The following EXOC4 variants were observed in gnomAD, a reference collection of about 807,000 sequenced individuals.
EXOC4 encodes the protein SEC8-like 1.
A neutral mutation model predicts 107.2 loss-of-function variants in EXOC4; 71 were observed. The ratio of observed to expected loss-of-function variants is 0.66; its 90% CI spans 0.55 to 0.81. The LOEUF (loss-of-function observed/expected upper bound fraction) is 0.81. Among genes scored for constraint, EXOC4 ranks in the 30% least tolerant of loss-of-function variants. EXOC4 has a pLI of 0.00. For missense variants in EXOC4, 1,108 were observed against 1,189.6 expected (o/e 0.93, Z 1.01); for synonymous variants, 456 against 441.2 (o/e 1.03, Z -0.42).
At chr7:133,501,749 C>A (rs747272196) in intron 9 of EXOC4, among the ~76,000 whole-genome samples, 24 of 152,128 alleles carry the variant, frequency 1.6e-4, no homozygotes, top group Non-Finnish European at 3.1e-4. Context: ...GTTCATGATT[C>A]CTAGTTTCCT....
chr7:133,573,196 C>G (rs748604400), intron 9 of EXOC4, among the ~76,000 whole-genome samples: 4 of 152,132 alleles, frequency 2.6e-5, no homozygotes, highest in African/African-American at 4.8e-5. Flanking sequence ...AAATACTAAT[C>G]TGTGATATAT....
intron 8 of EXOC4, 146 bp downstream of exon 8, chr7:133,475,619 A>G: frequency 2.8e-6 from 2 of 715,926 alleles, no homozygotes; most frequent in Non-Finnish European, 4.3e-6. Flanking sequence ...AGTTTTATTT[A>G]TTTTTGTTTT....
intron 12 of EXOC4, among the ~76,000 whole-genome samples, chr7:133,911,473 C>T (rs1799693829): frequency 6.6e-6 from 1 of 152,082 alleles, no homozygotes; most frequent in African/African-American, 2.4e-5. Flanking sequence ...AATGTACTAA[C>T]ATATTTATTG....
intron 5 of EXOC4, among the ~76,000 whole-genome samples, chr7:133,338,175 A>G (rs918966919): frequency 7.9e-5 from 12 of 152,080 alleles, no homozygotes; most frequent in Non-Finnish European, 1.6e-4. Context: ...TATTTAAATC[A>G]TGTATTTAAT....
chr7:133,569,809 T>C (rs182312748), intron 9 of EXOC4, among the ~76,000 whole-genome samples: 68 of 152,294 alleles, frequency 4.5e-4, no homozygotes, highest in Admixed American at 8.5e-4. Flanking sequence ...AATGCCCAGG[T>C]TTCCAGGCTG....
intron 10 of EXOC4, among the ~76,000 whole-genome samples, chr7:133,677,172 T>C (rs1794081819): frequency 6.6e-6 from 1 of 152,164 alleles, no homozygotes; most frequent in Non-Finnish European, 1.5e-5. Flanking sequence ...TTGTCTCTAA[T>C]GTTTTGAGTT....
chr7:134,085,647 G>A, the EXOC4 span, among the ~76,000 whole-genome samples: 5,680 of 152,264 alleles, frequency 0.037, 318 homozygotes, highest in African/African-American at 0.12. Context: ...AGCTCCCTGG[G>A]AAAGCTCCAT....
chr7:133,929,227 G>A (rs375410382), intron 13 of EXOC4, among the ~76,000 whole-genome samples: 5 of 152,096 alleles, frequency 3.3e-5, no homozygotes, highest in African/African-American at 9.6e-5. Context: ...CACCACGCCC[G>A]GTTACAGTAG....
chr7:133,589,659 G>T (rs971805863), intron 9 of EXOC4, among the ~76,000 whole-genome samples: 3 of 152,168 alleles, frequency 2.0e-5, no homozygotes, highest in African/African-American at 7.2e-5. Context: ...AACCAGATGG[G>T]ATGTCTACGA....
chr7:134,035,267 A>G (rs373223758), intron 17 of EXOC4, among the ~76,000 whole-genome samples: 1 of 150,392 alleles, frequency 6.6e-6, no homozygotes, highest in African/African-American at 2.4e-5. Flanking sequence ...CTGGTCTTGA[A>G]CTCCTGACCT....
intron 4 of EXOC4, 108 bp from the exon 5 acceptor site, chr7:133,317,176 G>T: frequency 1.4e-6 from 1 of 719,846 alleles, no homozygotes. Flanking sequence ...CAGTTCCAGT[G>T]TAAAGAGGGC....
At chr7:133,511,462 A>G (rs1296226305) in intron 9 of EXOC4, among the ~76,000 whole-genome samples, 1 of 152,140 alleles carries the variant, frequency 6.6e-6, no homozygotes, top group African/African-American at 2.4e-5. Context: ...CTCTGGTGAT[A>G]AGGATTGTTC....
At chr7:133,445,599 A>C (rs1798199943) in intron 7 of EXOC4, among the ~76,000 whole-genome samples, 1 of 147,018 alleles carries the variant, frequency 6.8e-6, no homozygotes, top group African/African-American at 2.6e-5. Flanking sequence ...CTTCCACCTC[A>C]GAGGCCTGGA....
chr7:133,337,928 A>T (rs1795556705), intron 5 of EXOC4, among the ~76,000 whole-genome samples: 1 of 151,594 alleles, frequency 6.6e-6, no homozygotes, highest in Non-Finnish European at 1.5e-5. Flanking sequence ...CACCATGCTG[A>T]GCCCATTTCT....
chr7:133,629,005 TAGTC>T (rs1802522449), intron 9 of EXOC4, among the ~76,000 whole-genome samples: 1 of 152,204 alleles, frequency 6.6e-6, no homozygotes, highest in Non-Finnish European at 1.5e-5. Flanking sequence ...GAAAACTCTT[TAGTC>T]AGAGTGATTC....
chr7:133,582,122 C>T (rs1801292345), intron 9 of EXOC4, among the ~76,000 whole-genome samples: 1 of 152,146 alleles, frequency 6.6e-6, no homozygotes. Context: ...ATAGTACCTT[C>T]CTCCCTCCCT....
chr7:133,624,624 G>C (rs908509770), intron 9 of EXOC4, among the ~76,000 whole-genome samples: 1 of 151,864 alleles, frequency 6.6e-6, no homozygotes, highest in Non-Finnish European at 1.5e-5. Context: ...GCAGAGTCTC[G>C]CTCTGTCGGC....
At chr7:133,429,024 A>G (rs1031099465) in intron 7 of EXOC4, among the ~76,000 whole-genome samples, 1 of 152,210 alleles carries the variant, frequency 6.6e-6, no homozygotes, top group African/African-American at 2.4e-5. Flanking sequence ...GGAAAGGCTG[A>G]AGTTGCAGGG....
chr7:133,424,400 G>C (rs1797677259), intron 7 of EXOC4, among the ~76,000 whole-genome samples: 1 of 151,774 alleles, frequency 6.6e-6, no homozygotes, highest in Non-Finnish European at 1.5e-5. Flanking sequence ...AAGGTCTGCA[G>C]CCTCACTCTG....
Sources: gnomAD v4.1 joint callset for allele counts (sites outside exome capture counted in the v4.1 genomes callset) on GRCh38, gnomAD v4.1.1 for gene constraint, MANE v1.5 for transcripts, NCBI Gene and HGNC (gene_info 2026-07-23, HGNC 2026-07-21) for gene names.